CCDC61: variants seen among roughly 807,000 people sequenced by gnomAD.
CCDC61 encodes centrosomal protein CCDC61.
In CCDC61, 55 loss-of-function variants were observed where a neutral mutation model predicts 63.0. The ratio of observed to expected loss-of-function variants is 0.87; its 90% CI spans 0.70 to 1.09. The LOEUF is 1.09. Ranked by LOEUF, CCDC61 falls within the 50% of genes least tolerant of loss-of-function variation. The probability of loss-of-function intolerance (pLI) is 0.00; values close to 1 mark genes in which losing one functional copy is unlikely to be tolerated. For missense variants in CCDC61, 651 were observed against 731.4 expected, an observed-to-expected ratio of 0.89 and a Z score of 1.27; for synonymous variants, 270 against 317.0, an observed-to-expected ratio of 0.85 and a Z score of 1.58.
intron 3 of CCDC61, among the ~76,000 whole-genome samples, chr19:46,004,237 G>T (rs1270721012): frequency 6.6e-6 from 1 of 152,146 alleles, no homozygotes; most frequent in African/African-American, 2.4e-5. Flanking sequence ...ACTGCGCCCA[G>T]CCTGCAACTT....
chr19:46,017,053 G>A lies in CCDC61; in HGVS notation c.1294G>A (p.Glu432Lys). 1.2e-6 allele frequency: 2 copies of A among 1,612,450 alleles called. No homozygotes were observed. Among genetic ancestry groups the A allele is most frequent in the Non-Finnish European group, 8.5e-7 (1 of 1,179,282 alleles). The change falls in exon 11 of 14, where the codon GAG (glutamate) becomes AAG (lysine). Residue 432 changes from glutamate (E) to lysine (K), a missense_variant. Coordinates refer to ENST00000595358, the MANE Select transcript of CCDC61 (RefSeq NM_001267723.2). ...CTGCAGCGATTTGGAGGATTTCTCTGAGTCGCTCTCCAGAGGGTAAAACTT... is the reference window on the plus strand; with the variant it reads ...CTGCAGCGATTTGGAGGATTTCTCTAAGTCGCTCTCCAGAGGGTAAAACTT... The part of the protein sequence containing the change: ...SSCSDLEDFS[E>K]SLSRGGHRRR...
In CCDC61 at chr19:46,018,432, G is replaced by A; in HGVS notation, c.*45G>A. 1 of 1,496,844 alleles carries A rather than the reference G, an allele frequency of 6.7e-7. No homozygotes were observed. Among genetic ancestry groups the A allele is most frequent in the South Asian group, 1.2e-5 (1 of 81,790 alleles). The allele number at this position is 1,496,844 out of a possible 1,614,324, so 92.7% of individuals were successfully genotyped here. ...CCCTCCATCCCCCACCCACTTGCTG[G>A]GTATGGTGTGGGGGGTGGGGCCAGG... On this transcript the variant is annotated 3_prime_UTR_variant, in exon 14 of 14. Transcript: ENST00000595358. The surrounding 1 kb of genome is among the most constrained non-coding windows in gnomAD (Gnocchi z 4.2).
At chr19:46,011,396 T>A (rs1968826677) in intron 5 of CCDC61, among the ~76,000 whole-genome samples, 1 of 152,222 alleles carries the variant, frequency 6.6e-6, no homozygotes, top group Admixed American at 6.5e-5. Context: ...CTCTCCACTT[T>A]TCATGCTACT....
At position 46,016,709 on chromosome 19, in the gene CCDC61, C is replaced by T. The variant is rs1263692358; in HGVS notation, c.1107C>T (p.Asn369=). 7 of 1,611,858 alleles carry T rather than the reference C, an allele frequency of 4.3e-6. No individual in the cohort carries two copies. The East Asian group carries it at 1.6e-4, about 36-fold the overall frequency. Reference sequence around the variant, plus strand: ...TTTTTCCCAGGCAGCAGCAGCGGAACCGCTTAGGCAGTGGGGGAAGCGGGG... The same window carrying T: ...TTTTTCCCAGGCAGCAGCAGCGGAATCGCTTAGGCAGTGGGGGAAGCGGGG... ...REIQMKQQQR[N]RLGSGGSGDG... is the part of the protein sequence containing the mutation. Residue 369 remains asparagine, a synonymous_variant, in exon 10 of 14, where the codon AAC becomes AAT. Transcript: ENST00000595358. This position sits in a 1 kb window ranked among gnomAD's most constrained non-coding sequence, Gnocchi z 7.2.
intron 3 of CCDC61, among the ~76,000 whole-genome samples, chr19:46,003,746 A>G (rs770348012): frequency 5.9e-5 from 9 of 151,998 alleles, no homozygotes; most frequent in Non-Finnish European, 7.4e-5. Context: ...CTCCAGCCCT[A>G]ATACTCGCTT....
chr19:46,000,562 G>C (rs1968571572), intron 1 of CCDC61, among the ~76,000 whole-genome samples: 1 of 151,984 alleles, frequency 6.6e-6, no homozygotes, highest in African/African-American at 2.4e-5. Flanking sequence ...TCTGCAGAGA[G>C]GAGGGGAAGG....
chr19:45,999,061 A>G (rs1968543910), intron 1 of CCDC61, among the ~76,000 whole-genome samples: 1 of 152,188 alleles, frequency 6.6e-6, no homozygotes, highest in South Asian at 2.1e-4. Flanking sequence ...CATCCTCTGT[A>G]TAATGGGGAT....
intron 1 of CCDC61, among the ~76,000 whole-genome samples, chr19:45,996,654 C>T (rs1968498791): frequency 6.6e-6 from 1 of 152,166 alleles, no homozygotes; most frequent in Non-Finnish European, 1.5e-5. Flanking sequence ...CCCGCCTCAG[C>T]CTCCCAAAGT....
rs760237060 is a variant in CCDC61 at position 46,018,210 on chromosome 19, G to A, written c.1441+60G>A. The A allele has an allele frequency of 1.2e-5, 18 of 1,553,822 alleles. No homozygotes were observed. Among genetic ancestry groups the A allele is most frequent in the African/African-American group, 4.1e-5 (3 of 73,114 alleles). ...CCAGGACCCGTTGGAATGGTAGTGC[G>A]GGCAGTGGTATATTGGGCCCAGGAA... On this transcript the variant is annotated intron_variant, in intron 13 of 13. Coordinates refer to ENST00000595358, the MANE Select transcript of CCDC61 (RefSeq NM_001267723.2). The surrounding 1 kb of genome is among the most constrained non-coding windows in gnomAD (Gnocchi z 4.2).
intron 1 of CCDC61, among the ~76,000 whole-genome samples, chr19:46,000,242 T>C (rs1968566306): frequency 6.6e-6 from 1 of 151,368 alleles, no homozygotes; most frequent in South Asian, 2.1e-4. Flanking sequence ...TACAAGCAAT[T>C]TGGGAGGGAA....
intron 5 of CCDC61, among the ~76,000 whole-genome samples, chr19:46,009,848 T>G (rs1243486586): frequency 6.7e-6 from 1 of 148,668 alleles, no homozygotes; most frequent in African/African-American, 2.4e-5. Flanking sequence ...GCGCGCGCGT[T>G]TGCTCTGTCT....
intron 5 of CCDC61, among the ~76,000 whole-genome samples, chr19:46,013,731 G>A (rs934206805): frequency 5.3e-5 from 8 of 151,940 alleles, no homozygotes; most frequent in African/African-American, 9.7e-5. Flanking sequence ...GCCAGGGTTG[G>A]TGGTGGGCGC....
In CCDC61 at chr19:46,003,254, C is replaced by T. The variant is rs1022838308; in HGVS notation, c.148+88C>T. The T allele has an allele frequency of 7.4e-6, 11 of 1,482,384 alleles. No homozygotes were observed. In the South Asian group the frequency reaches 1.3e-4, roughly 18 times the overall value. The allele number at this position is 1,482,384 out of a possible 1,614,324, so 91.8% of individuals were successfully genotyped here. Reference sequence around the variant, plus strand: ...ATCAGGCCACCCTGAATCCTGCCCACCTGCCTCTTCTTTGTCACCAGAAAC... The same window carrying T: ...ATCAGGCCACCCTGAATCCTGCCCATCTGCCTCTTCTTTGTCACCAGAAAC... On this transcript the variant is annotated intron_variant, in intron 2 of 13. Coordinates refer to ENST00000595358, the MANE Select transcript of CCDC61 (RefSeq NM_001267723.2).
chr19:46,016,298 C>A lies in CCDC61; in HGVS notation c.1016-20C>A, dbSNP rs1968933902. 6.2e-7 allele frequency: 1 copy of A among 1,613,006 alleles called. No homozygotes were observed. The highest frequency in any genetic ancestry group is 8.5e-7 in the Non-Finnish European group (1 of 1,179,396). On this transcript the variant is annotated intron_variant, in intron 8 of 13. Coordinates refer to ENST00000595358, the MANE Select transcript of CCDC61 (RefSeq NM_001267723.2). The surrounding 1 kb of genome is among the most constrained non-coding windows in gnomAD (Gnocchi z 7.2). ...GGCCCGTCTCCGGACCTAGCCGCCT[C>A]CTCTCCCACGCCGTCCTAGGTGGTC... is the stretch of plus-strand genomic sequence containing the variant.
Position 46,015,291 on chromosome 19 carries a change from G to GGC in CCDC61, c.762+36_762+37dup, listed in dbSNP as rs1211980682. ...AGCGGGGGCCCGGGGCGGCCAGCGA[G>GGC]GCGCGGACCTCGGCCTCAGCCTGGA... is the stretch of plus-strand genomic sequence containing the variant. On this transcript the variant is annotated intron_variant, in intron 6 of 13. Transcript: ENST00000595358. This position sits in a 1 kb window ranked among gnomAD's most constrained non-coding sequence, Gnocchi z 5.3. 6.4e-7 allele frequency: 1 copy of GGC among 1,558,744 alleles called. No individual in the cohort carries two copies. The highest frequency in any genetic ancestry group is 1.8e-5 in the Admixed American group (1 of 54,908).
In CCDC61 at chr19:46,015,526, A is replaced by T; in HGVS notation, c.845+99A>T. 2 of 5,052 alleles carry T rather than the reference A, an allele frequency of 4.0e-4. No homozygotes were observed. Among genetic ancestry groups the T allele is most frequent in the Non-Finnish European group, 7.1e-4 (2 of 2,808 alleles). 0.3% of individuals were successfully genotyped at this position (5,052 alleles called of 1,614,324 possible). On this transcript the variant is annotated intron_variant, in intron 7 of 13. Transcript: ENST00000595358. This position sits in a 1 kb window ranked among gnomAD's most constrained non-coding sequence, Gnocchi z 5.3. ...CTAAGGGGGCGGGGCGGGGCCAGGT[A>T]GGGTGGAGGGGGCGGGGCTGAAGGG...
chr19:46,010,524 T>C (rs1968808779), intron 5 of CCDC61, among the ~76,000 whole-genome samples: 1 of 151,776 alleles, frequency 6.6e-6, no homozygotes, highest in African/African-American at 2.4e-5. Flanking sequence ...GGAGAGAAGG[T>C]TCTGGGAGGT....
In CCDC61 at chr19:46,003,519, G is replaced by A. The variant is rs1386307456; in HGVS notation, c.231+18G>A. The stretch of plus-strand genomic sequence containing the variant: ...TCACTCAGGTAGGGCCCGGGTTGGC[G>A]GGTTGGGGTGGGAGGGGGGTTCTGT... On this transcript the variant is annotated intron_variant, in intron 3 of 13. Transcript: ENST00000595358. 9.0e-6 allele frequency: 14 copies of A among 1,561,798 alleles called. No individual in the cohort carries two copies. The highest frequency in any genetic ancestry group is 2.3e-5 in the East Asian group (1 of 44,374).
chr19:46,004,843 T>G (rs1010973174), intron 3 of CCDC61, among the ~76,000 whole-genome samples: 98 of 142,374 alleles, frequency 6.9e-4, no homozygotes, highest in African/African-American at 2.6e-3. Context: ...ATCTTTTTTT[T>G]TTTTTTTTTT....
Sources: allele counts gnomAD v4.1 joint callset (sites outside exome capture counted in the v4.1 genomes callset), GRCh38; gene constraint gnomAD v4.1.1; non-coding constraint Gnocchi (gnomAD v3.1); transcripts MANE v1.5; gene names NCBI Gene and HGNC (gene_info 2026-07-23, HGNC 2026-07-21).